PKD1L1: variants seen among roughly 807,000 people sequenced by gnomAD.
PKD1L1 encodes the protein polycystin 1 like 1, transient receptor potential channel interacting, also known as polycystin-1-like protein 1.
PKD1L1 carries 236 observed loss-of-function variants against 323.4 expected under a neutral mutation model. The ratio of observed to expected loss-of-function variants is 0.73; its 90% CI spans 0.66 to 0.81. The LOEUF is 0.81. PKD1L1 is among the 40% of genes least tolerant of loss of function. The pLI, the probability that PKD1L1 is intolerant of heterozygous loss-of-function variation, is 0.00. For synonymous variants in PKD1L1, 1,344 were observed against 1,335.0 expected, an observed-to-expected ratio of 1.01 and a Z score of -0.15; for missense variants, 3,320 against 3,508.0, an observed-to-expected ratio of 0.95 and a Z score of 1.35.
chr7:47,868,657 C>A (rs1786217982), intron 24 of PKD1L1, among the ~76,000 whole-genome samples: 1 of 152,212 alleles, frequency 6.6e-6, no homozygotes, highest in Non-Finnish European at 1.5e-5. Context: ...AGGCGGATCA[C>A]CTGAGGTCGG....
At chr7:47,955,032 G>C in the PKD1L1 span, among the ~76,000 whole-genome samples, 1 of 152,166 alleles carries the variant, frequency 6.6e-6, no homozygotes, top group Non-Finnish European at 1.5e-5. Context: ...GTGAAGTCCT[G>C]TGCGTGGCTG....
chr7:47,893,678 C>T (rs546842660), intron 15 of PKD1L1, among the ~76,000 whole-genome samples, 200 bp downstream of exon 15: 106 of 152,288 alleles, frequency 7.0e-4, no homozygotes, highest in African/African-American at 2.5e-3. Flanking sequence ...TAAACACCAC[C>T]TTAAAAAGCG....
chr7:47,829,964 T>G, intron 43 of PKD1L1, 76 bp downstream of exon 43: 2 of 1,374,148 alleles, frequency 1.5e-6, no homozygotes, highest in Non-Finnish European at 2.1e-6. Context: ...ACAACCAAAA[T>G]GAAGCCTCTA....
chr7:47,821,198 G>A lies in PKD1L1; in HGVS notation c.6855-12C>T, dbSNP rs1785133364. ...CCATGGAAATGTCTCTGTAAGAAGA[G>A]TTTTTAAGTTAGCATCCATACAGAC... On this transcript the variant is annotated splice_polypyrimidine_tract_variant and intron_variant, in intron 45 of 56. Coordinates refer to ENST00000289672, the MANE Select transcript of PKD1L1 (RefSeq NM_138295.5). The A allele has an allele frequency of 1.3e-6, 2 of 1,556,796 alleles. No homozygotes were observed. The highest frequency in any genetic ancestry group is 1.4e-5 in the African/African-American group (1 of 73,692).
intron 52 of PKD1L1, among the ~76,000 whole-genome samples, chr7:47,803,928 CTTATGGA>C (rs1784720914): frequency 6.6e-6 from 1 of 152,158 alleles, no homozygotes; most frequent in Non-Finnish European, 1.5e-5. Context: ...GGCAAACAGC[CTTATGGA>C]CTCGTCCACA....
chr7:47,781,688 T>C (rs1413926259), intron 56 of PKD1L1, among the ~76,000 whole-genome samples: 2 of 152,002 alleles, frequency 1.3e-5, no homozygotes, highest in Non-Finnish European at 2.9e-5. Flanking sequence ...GGATTACAGG[T>C]GTGAGCCACC....
chr7:47,884,766 C>G (rs1388283200), intron 18 of PKD1L1, 109 bp from the exon 19 acceptor site: 1 of 849,034 alleles, frequency 1.2e-6, no homozygotes, highest in East Asian at 2.5e-5. Context: ...TTTCTAGACT[C>G]CATACATTGC....
the PKD1L1 span, among the ~76,000 whole-genome samples, chr7:47,958,362 C>T: frequency 2.6e-5 from 4 of 152,124 alleles, no homozygotes; most frequent in Non-Finnish European, 2.9e-5. Flanking sequence ...TTTCAATAAA[C>T]GATGCTGGGA....
chr7:47,780,509 G>A (rs1282428990), intron 56 of PKD1L1, among the ~76,000 whole-genome samples: 1 of 152,112 alleles, frequency 6.6e-6, no homozygotes, highest in Non-Finnish European at 1.5e-5. Context: ...GTGTGCACCT[G>A]TAGGCCCAGC....
At chr7:47,868,750 C>T (rs949812336) in intron 24 of PKD1L1, among the ~76,000 whole-genome samples, 6 of 152,142 alleles carry the variant, frequency 3.9e-5, no homozygotes, top group Admixed American at 6.5e-5. Flanking sequence ...TGGCACATGC[C>T]TGTAATACCA....
At chr7:47,857,388 A>G (rs1785928507) in intron 28 of PKD1L1, among the ~76,000 whole-genome samples, 1 of 152,188 alleles carries the variant, frequency 6.6e-6, no homozygotes, top group Non-Finnish European at 1.5e-5. Flanking sequence ...TACAAGTGAC[A>G]TCTAGTTTTG....
chr7:47,854,351 C>T (rs959405971), intron 30 of PKD1L1, among the ~76,000 whole-genome samples: 5 of 152,046 alleles, frequency 3.3e-5, no homozygotes, highest in African/African-American at 4.8e-5. Context: ...AGACCTCCAA[C>T]GAACTCTGCA....
At chr7:47,861,654 G>C (rs140580128) in intron 26 of PKD1L1, among the ~76,000 whole-genome samples, 5,717 of 151,060 alleles carry the variant, frequency 0.038, 382 homozygotes, top group African/African-American at 0.13. Flanking sequence ...AGGCCAAGGC[G>C]GGCGGATCAC....
In PKD1L1 at chr7:47,888,087, A is replaced by G; in HGVS notation, c.2739T>C (p.Ser913=). 1 of 1,614,014 alleles carries G rather than the reference A, an allele frequency of 6.2e-7. No homozygotes were observed. The highest frequency in any genetic ancestry group is 1.1e-5 in the South Asian group (1 of 91,070). ...TGCAGTCCTCACACATAGCTTGAAG[A>G]GAGAGTTCGTCATTCCAGTTGACGA... is the stretch of plus-strand genomic sequence containing the variant. ...DTFVNWNDEL[S]LQAMCEDCSE... The change falls in exon 17 of 57, where the codon TCT becomes TCC. Residue 913 remains serine (S), a synonymous_variant. Coordinates refer to ENST00000289672, the MANE Select transcript of PKD1L1 (RefSeq NM_138295.5).
intron 12 of PKD1L1, among the ~76,000 whole-genome samples, chr7:47,902,852 TAACAG>T (rs1289516052): frequency 1.6e-4 from 24 of 152,334 alleles, no homozygotes; most frequent in African/African-American, 5.1e-4. Flanking sequence ...CCCCTTTTGA[TAACAG>T]AACAGATCTA....
chr7:47,863,044 T>C (rs1415245742), intron 26 of PKD1L1, among the ~76,000 whole-genome samples: 3 of 151,958 alleles, frequency 2.0e-5, no homozygotes, highest in Non-Finnish European at 4.4e-5. Flanking sequence ...TTGCTTGGAT[T>C]TGGGTGAAGC....
intron 45 of PKD1L1, among the ~76,000 whole-genome samples, chr7:47,826,410 C>T (rs1410858914): frequency 1.3e-5 from 2 of 152,074 alleles, no homozygotes; most frequent in Non-Finnish European, 2.9e-5. Flanking sequence ...AATTCCTCTC[C>T]CACTCTCCTT....
Position 47,839,562 on chromosome 7 carries a change from G to A in PKD1L1, c.5653C>T (p.Leu1885=), listed in dbSNP as rs762176047. The change falls in exon 36 of 57, where the codon CTG becomes TTG. Residue 1885 remains leucine (L), a synonymous_variant. Coordinates refer to ENST00000289672, the MANE Select transcript of PKD1L1 (RefSeq NM_138295.5). This position sits in a 1 kb window ranked among gnomAD's most constrained non-coding sequence, Gnocchi z 4.3. ...WFISHVMVKE[L]HTGQGWFFPA... is the part of the protein sequence containing the mutation. The stretch of plus-strand genomic sequence containing the variant: ...AAGAACCAGCCCTGTCCCGTGTGCA[G>A]CTCCTTCACCATCACGTGGCTGATG... 6.2e-7 allele frequency: 1 copy of A among 1,606,994 alleles called. No homozygotes were observed. The highest frequency in any genetic ancestry group is 8.5e-7 in the Non-Finnish European group (1 of 1,177,184).
chr7:47,877,122 TG>T (rs200736399), intron 22 of PKD1L1, among the ~76,000 whole-genome samples: 1 of 151,680 alleles, frequency 6.6e-6, no homozygotes. Context: ...GAAATGTGCC[TG>T]GGGAGGGAAA....
Sources: allele counts gnomAD v4.1 joint callset (sites outside exome capture counted in the v4.1 genomes callset), GRCh38; gene constraint gnomAD v4.1.1; non-coding constraint Gnocchi (gnomAD v3.1); transcripts MANE v1.5; gene names NCBI Gene and HGNC (gene_info 2026-07-23, HGNC 2026-07-21).